NOL4L: variants seen among roughly 807,000 people sequenced by gnomAD.
NOL4L encodes the protein nucleolar protein 4-like.
In NOL4L, 7 loss-of-function variants were observed where a neutral mutation model predicts 64.5. The observed-to-expected ratio is 0.11, with a 90% confidence interval of 0.06 to 0.20. The LOEUF is 0.20. Among genes scored for constraint, NOL4L ranks in the 10% least tolerant of loss-of-function variants. The pLI, the probability that NOL4L is intolerant of heterozygous loss-of-function variation, is 1.00. For synonymous variants in NOL4L, 413 were observed against 401.0 expected (o/e 1.03, Z -0.36); for missense variants, 680 against 967.1 (o/e 0.70, Z 3.94).
intron 3 of NOL4L, among the ~76,000 whole-genome samples, chr20:32,515,813 C>T (rs990308405): frequency 2.0e-5 from 3 of 152,186 alleles, no homozygotes; most frequent in African/African-American, 7.2e-5. Context: ...GCAAGGGTCA[C>T]GGAGCCTAAA....
At chr20:32,539,362 G>A (rs924142306) in intron 1 of NOL4L, among the ~76,000 whole-genome samples, 1 of 152,162 alleles carries the variant, frequency 6.6e-6, no homozygotes, top group Non-Finnish European at 1.5e-5. Context: ...AGTTGGGCAC[G>A]GGGGCATGAC....
intron 4 of NOL4L, among the ~76,000 whole-genome samples, chr20:32,507,933 C>T (rs1457047820): frequency 1.3e-5 from 2 of 152,182 alleles, no homozygotes; most frequent in Admixed American, 6.5e-5. Context: ...AATGCTCGAA[C>T]CTGGGAAGTG....
At chr20:32,574,776 C>T (rs996203604) in intron 1 of NOL4L, among the ~76,000 whole-genome samples, 3 of 144,022 alleles carry the variant, frequency 2.1e-5, no homozygotes, top group Non-Finnish European at 4.6e-5. Context: ...GCGCTGGCCC[C>T]GAGGCCTAAG....
rs763756636 is a variant in NOL4L at position 32,453,890 on chromosome 20, C to T, written c.1120-129G>A. 209 of 815,580 alleles carry T rather than the reference C, an allele frequency of 2.6e-4. 2 individuals carry two copies. The South Asian group carries it at 2.9e-3, about 11-fold the overall frequency. The allele number at this position is 815,580 out of a possible 1,614,324, so 50.5% of individuals were successfully genotyped here. A position where few individuals can be genotyped will look rare whatever the true frequency, so the allele number is the denominator to read the frequency against. ...CCTGCTGCCACGAGAGCCATAGCTG[C>T]GAGGCCCTGAGCAAGTCACTCCCCT... is the stretch of plus-strand genomic sequence containing the variant. On this transcript the variant is annotated intron_variant, in intron 6 of 10. Coordinates refer to ENST00000621426, the MANE Select transcript of NOL4L (RefSeq NM_001256798.2). The surrounding 1 kb of genome is among the most constrained non-coding windows in gnomAD (Gnocchi z 5.6).
intron 2 of NOL4L, among the ~76,000 whole-genome samples, chr20:32,525,162 T>G (rs557821216): frequency 9.7e-4 from 148 of 152,208 alleles, no homozygotes; most frequent in Middle Eastern, 3.2e-3. Flanking sequence ...GGGATGCAAG[T>G]GCTGGCAGAA....
intron 1 of NOL4L, among the ~76,000 whole-genome samples, chr20:32,569,684 C>G (rs1402177269): frequency 2.6e-5 from 4 of 152,138 alleles, no homozygotes; most frequent in Non-Finnish European, 4.4e-5. Flanking sequence ...CTGAGCCAAC[C>G]AGCTGGAGAG....
intron 1 of NOL4L, chr20:32,532,455 G>T: frequency 1.3e-6 from 1 of 771,248 alleles, no homozygotes; most frequent in Non-Finnish European, 1.6e-6. Context: ...CAGTAGTCAC[G>T]TGCCGCAGAC....
chr20:32,479,908 T>C (rs554818600), intron 4 of NOL4L, among the ~76,000 whole-genome samples: 1 of 152,276 alleles, frequency 6.6e-6, no homozygotes, highest in South Asian at 2.1e-4. Flanking sequence ...CCTGCTCTTA[T>C]CTTCAGTCCA....
At chr20:32,518,996 A>G (rs1216614166) in intron 3 of NOL4L, among the ~76,000 whole-genome samples, 1 of 152,240 alleles carries the variant, frequency 6.6e-6, no homozygotes, top group East Asian at 1.9e-4. Context: ...TGCCAGGTAC[A>G]GGGACTAACC....
rs746738215 is a variant in NOL4L at position 32,474,703 on chromosome 20, C to T, written c.739G>A (p.Asp247Asn). The T allele has an allele frequency of 6.2e-7, 1 of 1,613,574 alleles. No homozygotes were observed. The highest frequency in any genetic ancestry group is 1.7e-4 in the Middle Eastern group (1 of 6,056). Residue 247 changes from aspartate (D) to asparagine (N), a missense_variant, in exon 5 of 11, where the codon GAC becomes AAC. Coordinates refer to ENST00000621426, the MANE Select transcript of NOL4L (RefSeq NM_001256798.2). ...GGGTCAGCTGACATCCATGTGGAGT[C>T]GCTCATATCAAAATCCTCGCTGCTC... The part of the protein sequence containing the change: ...SVSSEDFDMS[D>N]STWMSADPHL...
chr20:32,583,699 C>T (rs1320708208), intron 1 of NOL4L, among the ~76,000 whole-genome samples: 1 of 144,326 alleles, frequency 6.9e-6, no homozygotes, highest in Non-Finnish European at 1.5e-5. Flanking sequence ...GGCGGGGGAG[C>T]CGCGGGGCCC....
At chr20:32,461,413 T>G (rs2014036621) in intron 5 of NOL4L, among the ~76,000 whole-genome samples, 1 of 54,410 alleles carries the variant, frequency 1.8e-5, no homozygotes, top group Non-Finnish European at 3.3e-5. Context: ...CCCCTCTACC[T>G]TTCTTTTCTT....
chr20:32,534,692 C>T (rs1212960943), intron 1 of NOL4L, among the ~76,000 whole-genome samples: 1 of 151,714 alleles, frequency 6.6e-6, no homozygotes, highest in Non-Finnish European at 1.5e-5. Context: ...CTCCCCCCAC[C>T]CCCCGCCGCC....
chr20:32,478,263 ACACACACACACTCTCT>A (rs1197166291), intron 4 of NOL4L, among the ~76,000 whole-genome samples: 2 of 127,722 alleles, frequency 1.6e-5, no homozygotes, highest in East Asian at 1.0e-3. Context: ...ACACACACAC[ACACACACACACTCTCT>A]CTCTCTCTCT....
At chr20:32,532,446 A>G (rs1392735900) in intron 1 of NOL4L, 8 of 847,538 alleles carry the variant, frequency 9.4e-6, no homozygotes, top group African/African-American at 5.5e-5. Flanking sequence ...GGGATCCGAC[A>G]GTAGTCACGT....
chr20:32,502,005 T>C (rs2016940976), intron 4 of NOL4L, among the ~76,000 whole-genome samples: 1 of 152,200 alleles, frequency 6.6e-6, no homozygotes, highest in Non-Finnish European at 1.5e-5. Flanking sequence ...GCAATTTATC[T>C]AAATAGAGAG....
chr20:32,515,430 G>A (rs1429629741), intron 3 of NOL4L, among the ~76,000 whole-genome samples: 2 of 152,162 alleles, frequency 1.3e-5, no homozygotes, highest in African/African-American at 2.4e-5. Flanking sequence ...AGCCATGGGT[G>A]GGAGGTCAGA....
chr20:32,575,870 G>A (rs1980070626), intron 1 of NOL4L, among the ~76,000 whole-genome samples: 1 of 152,194 alleles, frequency 6.6e-6, no homozygotes, highest in South Asian at 2.1e-4. Context: ...CTCTGAGCAG[G>A]TGACATTTGA....
At chr20:32,461,214 GGCCCTT>G (rs1226236021) in intron 5 of NOL4L, among the ~76,000 whole-genome samples, 11 of 152,196 alleles carry the variant, frequency 7.2e-5, no homozygotes, top group Non-Finnish European at 1.6e-4. Context: ...GGGCCCACCA[GGCCCTT>G]CCAGCGAGCC....
Sources: allele counts gnomAD v4.1 joint callset (sites outside exome capture counted in the v4.1 genomes callset), GRCh38; gene constraint gnomAD v4.1.1; non-coding constraint Gnocchi (gnomAD v3.1); transcripts MANE v1.5; gene names NCBI Gene and HGNC (gene_info 2026-07-23, HGNC 2026-07-21).